Variants in CDH13 observed in about 807,000 individuals in gnomAD.
CDH13 encodes the protein cadherin 13.
CDH13 carries 24 observed loss-of-function variants against 63.8 expected under a neutral mutation model. That is an observed-to-expected ratio of 0.38 (90% confidence interval 0.27 to 0.53). CDH13 has a LOEUF of 0.53. Ranked by LOEUF, CDH13 falls within the 20% of genes least tolerant of loss-of-function variation. The probability of loss-of-function intolerance (pLI) is 0.85; values close to 1 mark genes in which losing one functional copy is unlikely to be tolerated. For missense variants in CDH13, 1,049 were observed against 903.1 expected (o/e 1.16, Z -2.07); for synonymous variants, 503 against 355.3 (o/e 1.42, Z -4.67).
chr16:83,381,880 A>G (rs114028498), intron 6 of CDH13, among the ~76,000 whole-genome samples: 1,934 of 152,312 alleles, frequency 0.013, 39 homozygotes, highest in African/African-American at 0.045. Flanking sequence ...CAAGTATAAA[A>G]TCATATGGAT....
At chr16:83,636,285 T>G (rs1281602192) in intron 8 of CDH13, among the ~76,000 whole-genome samples, 1 of 152,226 alleles carries the variant, frequency 6.6e-6, no homozygotes, top group Admixed American at 6.5e-5. Flanking sequence ...TCAAAAGTAT[T>G]TCAGAAAACA....
chr16:82,925,251 A>G (rs965490874), intron 2 of CDH13, among the ~76,000 whole-genome samples: 1 of 152,168 alleles, frequency 6.6e-6, no homozygotes, highest in East Asian at 1.9e-4. Flanking sequence ...AATTAGAGAA[A>G]TGGCCCAGAG....
At chr16:82,904,019 G>A (rs2041559704) in intron 2 of CDH13, among the ~76,000 whole-genome samples, 1 of 151,844 alleles carries the variant, frequency 6.6e-6, no homozygotes, top group Non-Finnish European at 1.5e-5. Flanking sequence ...CTTCCAAACT[G>A]CTTTTTTTTC....
chr16:83,078,841 C>A (rs2033036610), intron 3 of CDH13, among the ~76,000 whole-genome samples: 1 of 152,146 alleles, frequency 6.6e-6, no homozygotes, highest in African/African-American at 2.4e-5. Flanking sequence ...TCAGCCCGGG[C>A]TGGAGTGCAA....
At chr16:83,592,330 C>T (rs760337529) in intron 7 of CDH13, among the ~76,000 whole-genome samples, 2 of 152,186 alleles carry the variant, frequency 1.3e-5, no homozygotes, top group African/African-American at 2.4e-5. Flanking sequence ...TCTGACCTTA[C>T]GTACTTGCCT....
chr16:82,627,301 A>T (rs1012348178), intron 1 of CDH13, among the ~76,000 whole-genome samples, 164 bp downstream of exon 1: 7 of 148,794 alleles, frequency 4.7e-5, no homozygotes, highest in Admixed American at 2.7e-4. Context: ...CAGAGATCCT[A>T]GGCACCCCCC....
chr16:82,806,049 C>G (rs548017139), intron 1 of CDH13, among the ~76,000 whole-genome samples: 2 of 152,148 alleles, frequency 1.3e-5, no homozygotes, highest in African/African-American at 2.4e-5. Context: ...CTCTGGCATC[C>G]ACTGAGATGT....
intron 6 of CDH13, among the ~76,000 whole-genome samples, chr16:83,440,897 T>C (rs551850237): frequency 6.6e-5 from 10 of 152,088 alleles, no homozygotes; most frequent in Non-Finnish European, 1.5e-4. Flanking sequence ...GAAGAAAAGA[T>C]GAACCCATGA....
intron 5 of CDH13, among the ~76,000 whole-genome samples, chr16:83,223,674 G>A (rs1229044640): frequency 6.6e-6 from 1 of 152,234 alleles, no homozygotes; most frequent in African/African-American, 2.4e-5. Flanking sequence ...GTCTCACGCT[G>A]GTGCATCTGC....
At chr16:83,089,745 G>A (rs779335502) in intron 3 of CDH13, among the ~76,000 whole-genome samples, 7 of 152,198 alleles carry the variant, frequency 4.6e-5, no homozygotes, top group African/African-American at 9.7e-5. Context: ...AGGGCTACAC[G>A]TCGGAAATGG....
At position 82,885,742 on chromosome 16, in the gene CDH13, C is replaced by G. The variant is rs560132185; in HGVS notation, c.157+27269C>G. 2.0e-5 allele frequency among the ~76,000 whole-genome samples: 3 copies of G among 152,138 alleles called. No homozygotes were observed. In the South Asian group the frequency reaches 6.2e-4, roughly 32 times the overall value. Reference sequence around the variant, plus strand: ...GTGAATCATTTTGTGCATTCAAATTCTGTCTGTATGTATCATGCACTTTCT... The same window carrying G: ...GTGAATCATTTTGTGCATTCAAATTGTGTCTGTATGTATCATGCACTTTCT... On this transcript the variant is annotated intron_variant, in intron 2 of 13. Transcript: ENST00000567109.
intron 3 of CDH13, among the ~76,000 whole-genome samples, chr16:83,088,541 G>T (rs903505398): frequency 6.6e-6 from 1 of 152,172 alleles, no homozygotes; most frequent in African/African-American, 2.4e-5. Context: ...TTCTGATACA[G>T]CCTTGGGCAA....
intron 1 of CDH13, among the ~76,000 whole-genome samples, chr16:82,813,376 C>G (rs1032949415): frequency 6.6e-6 from 1 of 152,118 alleles, no homozygotes; most frequent in Non-Finnish European, 1.5e-5. Context: ...TTGTTTTTAA[C>G]CCCTGCATCC....
chr16:82,731,760 A>T (rs2033415771), intron 1 of CDH13, among the ~76,000 whole-genome samples: 1 of 152,230 alleles, frequency 6.6e-6, no homozygotes, highest in Non-Finnish European at 1.5e-5. Flanking sequence ...ACAATATAGA[A>T]AATTGTGTGT....
rs150207758 is a variant in CDH13, at chr16:83,612,276, A to C, written c.1101+9682A>C. Among the ~76,000 whole-genome samples, 576 of 152,158 alleles carry C rather than the reference A, an allele frequency of 3.8e-3. 2 individuals carry two copies. The highest frequency in any genetic ancestry group is 0.013 in the African/African-American group (546 of 41,564). ...TGAAATGTACCTCTCTATCTCTGCA[A>C]ATGCTTTCTGCTTTAACATTTATCT... On this transcript the variant is annotated intron_variant, in intron 8 of 13. Transcript: ENST00000567109.
At chr16:83,447,052 T>C (rs1223966886) in intron 6 of CDH13, among the ~76,000 whole-genome samples, 3 of 77,184 alleles carry the variant, frequency 3.9e-5, no homozygotes, top group African/African-American at 1.2e-4. Context: ...GTCACCCGTC[T>C]TAAAAAAAAA....
At chr16:83,183,109 A>G (rs1050739040) in intron 4 of CDH13, among the ~76,000 whole-genome samples, 3 of 152,234 alleles carry the variant, frequency 2.0e-5, no homozygotes, top group Non-Finnish European at 4.4e-5. Context: ...TTATCTTAAG[A>G]GTCGGAAGAA....
At chr16:82,795,037 C>G (rs574850768) in intron 1 of CDH13, among the ~76,000 whole-genome samples, 2 of 152,324 alleles carry the variant, frequency 1.3e-5, no homozygotes, top group African/African-American at 4.8e-5. Context: ...TACCTTCCCT[C>G]CTTTGCCTCA....
At chr16:82,972,891 G>T (rs1908969549) in intron 2 of CDH13, among the ~76,000 whole-genome samples, 2 of 152,080 alleles carry the variant, frequency 1.3e-5, no homozygotes, top group South Asian at 4.2e-4. Flanking sequence ...AGGTCACTCA[G>T]GCACAACCTG....
Sources: gnomAD v4.1 joint callset for allele counts (sites outside exome capture counted in the v4.1 genomes callset) on GRCh38, gnomAD v4.1.1 for gene constraint, MANE v1.5 for transcripts, NCBI Gene and HGNC (gene_info 2026-07-23, HGNC 2026-07-21) for gene names.